The following MAN2A1 variants were observed in gnomAD, a reference collection of about 807,000 sequenced individuals.
The protein encoded by MAN2A1 is alpha-mannosidase 2.
In MAN2A1, 76 loss-of-function variants were observed where a neutral mutation model predicts 142.6. The observed-to-expected ratio is 0.53, with a 90% confidence interval of 0.44 to 0.65. MAN2A1 has a LOEUF of 0.65. Among genes scored for constraint, MAN2A1 ranks in the 30% least tolerant of loss-of-function variants. The pLI is 0.00. For missense variants in MAN2A1, 1,311 were observed against 1,365.1 expected, an observed-to-expected ratio of 0.96 and a Z score of 0.62; for synonymous variants, 559 against 473.2, an observed-to-expected ratio of 1.18 and a Z score of -2.35.
At chr5:109,855,437 T>G (rs1755583828) in intron 20 of MAN2A1, 103 bp downstream of exon 20, 1 of 685,598 alleles carries the variant, frequency 1.5e-6, no homozygotes, top group African/African-American at 1.9e-5. Context: ...TACTATGCTT[T>G]GAGGAATTAT....
At position 109,770,384 on chromosome 5, in the gene MAN2A1, C is replaced by T. The variant is rs747939011; in HGVS notation, c.1039C>T (p.His347Tyr). ...DLGSVTDILCHMMPFYSYDIP... is the reference protein window; with the variant it reads ...DLGSVTDILCYMMPFYSYDIP... ...GGGATCTGTCACAGATATTTTATGC[C>T]ACATGATGCCCTTCTACAGCTATGA... Residue 347 changes from histidine to tyrosine, a missense_variant, in exon 7 of 22, where the codon CAC (histidine) becomes TAC (tyrosine). Transcript: ENST00000261483. The T allele has an allele frequency of 1.7e-5, 27 of 1,613,502 alleles. No individual in the cohort carries two copies. Among genetic ancestry groups the T allele is most frequent in the Non-Finnish European group, 1.2e-5 (14 of 1,179,732 alleles).
chr5:109,840,388 A>G (rs140033277), intron 16 of MAN2A1: 196 of 382,056 alleles, frequency 5.1e-4, no homozygotes, highest in African/African-American at 3.9e-3. Context: ...CTCCAGAGAA[A>G]TTGCTGGTAA....
At chr5:109,758,093 A>T (rs1752738014) in intron 5 of MAN2A1, among the ~76,000 whole-genome samples, 2 of 152,146 alleles carry the variant, frequency 1.3e-5, no homozygotes, top group South Asian at 4.1e-4. Flanking sequence ...ATTTTGAGAA[A>T]CTGTCAAACT....
intron 10 of MAN2A1, among the ~76,000 whole-genome samples, chr5:109,785,684 C>G (rs748848317): frequency 1.7e-4 from 26 of 151,980 alleles, no homozygotes; most frequent in Non-Finnish European, 3.4e-4. Flanking sequence ...CTCACGCCAG[C>G]CTTTGGATGA....
chr5:109,690,293 AT>A lies in MAN2A1; in HGVS notation c.-124del, dbSNP rs1750626355. 1 of 986,612 alleles carries A rather than the reference AT, an allele frequency of 1.0e-6. No individual in the cohort carries two copies. 61.1% of individuals were successfully genotyped at this position (986,612 alleles called of 1,614,324 possible). On this transcript the variant is annotated 5_prime_UTR_variant, in exon 1 of 22. Coordinates refer to ENST00000261483, the MANE Select transcript of MAN2A1 (RefSeq NM_002372.4). ...GAGCAAGGCGGGGACTCGCACCCGC[AT>A]CCGAGAGCGCGGAGGTCGCGCAGCC...
intron 4 of MAN2A1, among the ~76,000 whole-genome samples, chr5:109,732,395 T>A (rs1751941257): frequency 6.6e-6 from 1 of 152,384 alleles, no homozygotes; most frequent in East Asian, 1.9e-4. Flanking sequence ...TTTTGACTTT[T>A]GTTTCCATTG....
chr5:109,823,980 TG>T, intron 16 of MAN2A1, 143 bp downstream of exon 16: 1 of 501,632 alleles, frequency 2.0e-6, no homozygotes, highest in South Asian at 3.5e-5. Flanking sequence ...ATTTAAAATA[TG>T]AAACTTACCC....
intron 2 of MAN2A1, among the ~76,000 whole-genome samples, chr5:109,714,833 C>T (rs1751407813): frequency 6.6e-6 from 1 of 152,162 alleles, no homozygotes; most frequent in Admixed American, 6.5e-5. Context: ...GGTCTTGCAC[C>T]TGCAACCTCA....
chr5:109,804,350 T>A lies in MAN2A1; in HGVS notation c.1944-12923T>A, dbSNP rs182954429. 2.9e-4 allele frequency: 259 copies of A among 900,928 alleles called. No homozygotes were observed. The African/African-American group carries it at 3.7e-3, about 13-fold the overall frequency. 55.8% of individuals were successfully genotyped at this position (900,928 alleles called of 1,614,324 possible). On this transcript the variant is annotated intron_variant, in intron 12 of 21. Coordinates refer to ENST00000261483, the MANE Select transcript of MAN2A1 (RefSeq NM_002372.4). ...CTTATTCAGAGAGTAGCGCTTTTTT[T>A]AAAATTTTTATTTTTTTTAGGCAAG...
intron 1 of MAN2A1, among the ~76,000 whole-genome samples, chr5:109,712,772 G>A (rs1751338050): frequency 1.3e-5 from 2 of 152,268 alleles, no homozygotes; most frequent in East Asian, 1.9e-4. Flanking sequence ...AAATATGAGG[G>A]CCATTTGACA....
intron 16 of MAN2A1, among the ~76,000 whole-genome samples, chr5:109,836,923 T>G (rs1355140497): frequency 1.3e-5 from 2 of 151,984 alleles, no homozygotes; most frequent in Admixed American, 1.3e-4. Flanking sequence ...TCAGCATAGT[T>G]TATCATGCTA....
chr5:109,787,565 G>A (rs931612847), intron 10 of MAN2A1, among the ~76,000 whole-genome samples: 8 of 152,010 alleles, frequency 5.3e-5, no homozygotes, highest in African/African-American at 1.7e-4. Context: ...CATTTGGGGA[G>A]TGATATACTG....
At chr5:109,823,134 A>T (rs183254237) in intron 15 of MAN2A1, among the ~76,000 whole-genome samples, 2,834 of 152,334 alleles carry the variant, frequency 0.019, 35 homozygotes, top group Middle Eastern at 0.071. Flanking sequence ...ACCATTTTTT[A>T]AAATTTAAAT....
At chr5:109,844,520 A>G (rs1580311008) in intron 17 of MAN2A1, among the ~76,000 whole-genome samples, 1 of 151,446 alleles carries the variant, frequency 6.6e-6, no homozygotes, top group Non-Finnish European at 1.5e-5. Context: ...TAGCTTTATC[A>G]GTTTATTAAT....
Position 109,755,408 on chromosome 5 carries a change from T to C in MAN2A1, c.787T>C (p.Leu263=), listed in dbSNP as rs146474097. 5.6e-6 allele frequency: 9 copies of C among 1,611,434 alleles called. No individual in the cohort carries two copies. In the African/African-American group the frequency reaches 1.2e-4, roughly 22 times the overall value. Residue 263 remains leucine, a synonymous_variant, in exon 5 of 22, where the codon TTA becomes CTA. Transcript: ENST00000261483. ...PDEATPHYFA[L]IDQLIEGHQW... is the part of the protein sequence containing the mutation. Reference sequence around the variant, plus strand: ...TGAAGCTACTCCACATTATTTTGCCTTAATTGATCAACTAATTGAAGGACA... The same window carrying C: ...TGAAGCTACTCCACATTATTTTGCCCTAATTGATCAACTAATTGAAGGACA...
chr5:109,702,284 AT>A (rs1751004058), intron 1 of MAN2A1, among the ~76,000 whole-genome samples: 2 of 146,616 alleles, frequency 1.4e-5, no homozygotes, highest in African/African-American at 5.0e-5. Flanking sequence ...AGACTAAATT[AT>A]TTTTTTTCTG....
intron 20 of MAN2A1, among the ~76,000 whole-genome samples, chr5:109,859,461 C>G (rs923800480): frequency 1.2e-4 from 19 of 152,212 alleles, no homozygotes; most frequent in Admixed American, 9.8e-4. Context: ...CAGCATGCTG[C>G]GTGGCCTTGC....
intron 20 of MAN2A1, among the ~76,000 whole-genome samples, chr5:109,856,006 A>G (rs1008814743): frequency 5.3e-5 from 8 of 152,172 alleles, no homozygotes; most frequent in African/African-American, 1.9e-4. Context: ...ATCTCATGGT[A>G]AATGGCCTAA....
Position 109,811,623 on chromosome 5 carries a change from T to G in MAN2A1, c.1944-5650T>G, listed in dbSNP as rs141457477. On this transcript the variant is annotated intron_variant, in intron 12 of 21. Coordinates refer to ENST00000261483, the MANE Select transcript of MAN2A1 (RefSeq NM_002372.4). ...GTGTGTGTGTCTGTGTCTGTGTGTC[T>G]GCATGCATACGTATGCATCCCATGA... 2.6e-4 allele frequency among the ~76,000 whole-genome samples: 39 copies of G among 151,954 alleles called. No individual in the cohort carries two copies. The East Asian group carries it at 7.1e-3, about 28-fold the overall frequency.
Sources: allele counts gnomAD v4.1 joint callset (sites outside exome capture counted in the v4.1 genomes callset), GRCh38; gene constraint gnomAD v4.1.1; transcripts MANE v1.5; gene names NCBI Gene and HGNC (gene_info 2026-07-23, HGNC 2026-07-21).